SYNE2: variants seen among roughly 807,000 people sequenced by gnomAD.
The protein encoded by SYNE2 is spectrin repeat containing nuclear envelope protein 2.
In SYNE2, 431 loss-of-function variants were observed where a neutral mutation model predicts 856.3. That is an observed-to-expected ratio of 0.50 (90% CI 0.47 to 0.55). The LOEUF (loss-of-function observed/expected upper bound fraction) is 0.55, where lower values mean the gene tolerates loss of function less well. Among genes scored for constraint, SYNE2 ranks in the 20% least tolerant of loss-of-function variants. The pLI, the probability that SYNE2 is intolerant of heterozygous loss-of-function variation, is 0.00. For synonymous variants in SYNE2, 2,923 were observed against 2,872.3 expected, an observed-to-expected ratio of 1.02 and a Z score of -0.56; for missense variants, 8,129 against 8,023.2, an observed-to-expected ratio of 1.01 and a Z score of -0.50.
At chr14:63,777,700 G>A (rs374762065) in intron 1 of SYNE2, among the ~76,000 whole-genome samples, 17 of 152,118 alleles carry the variant, frequency 1.1e-4, no homozygotes, top group South Asian at 4.1e-4. Flanking sequence ...ACAGGGTCTC[G>A]CTCTGTCACC....
intron 87 of SYNE2, among the ~76,000 whole-genome samples, chr14:64,160,994 C>T (rs993500142): frequency 6.6e-6 from 1 of 152,122 alleles, no homozygotes; most frequent in Non-Finnish European, 1.5e-5. Context: ...TGTACAGCCA[C>T]TTAAAATGAG....
At position 64,049,782 on chromosome 14, in the gene SYNE2, A is replaced by G. The variant is rs774431675; in HGVS notation, c.7549A>G (p.Ser2517Gly). The G allele has an allele frequency of 6.2e-7, 1 of 1,614,186 alleles. No homozygotes were observed. Among genetic ancestry groups the G allele is most frequent in the East Asian group, 2.2e-5 (1 of 44,874 alleles). ...ALITLKKNKE[S>G]QYCVLRDFQE... ...TATTACTTTGAAGAAAAACAAAGAA[A>G]GCCAATATTGTGTCCTCAGAGATTT... Residue 2517 changes from serine to glycine, a missense_variant, in exon 47 of 116, where the codon AGC (serine) becomes GGC (glycine). Physicochemically the swap from Ser to Gly is moderately conservative, Grantham distance 56. Coordinates refer to ENST00000555002, the MANE Select transcript of SYNE2 (RefSeq NM_182914.3).
At chr14:64,016,970 T>A (rs527311187) in intron 33 of SYNE2, among the ~76,000 whole-genome samples, 15 of 152,114 alleles carry the variant, frequency 9.9e-5, no homozygotes, top group Non-Finnish European at 1.9e-4. Context: ...TAAGAACTCA[T>A]CTGCATTATA....
chr14:64,159,418 A>G lies in SYNE2; in HGVS notation c.16070A>G (p.Glu5357Gly). ...LCPSVAEIIE[E>G]KCQNTHKRWT... ...CCCTCTGTTGCTGAAATAATCGAAGAGAAATGCCAAAATACTCATAAAAGG... is the reference window on the plus strand; with the variant it reads ...CCCTCTGTTGCTGAAATAATCGAAGGGAAATGCCAAAATACTCATAAAAGG... Residue 5357 changes from glutamate to glycine, a missense_variant, in exon 87 of 116, where the codon GAG becomes GGG. This residue lies in a region of SYNE2 where 5,410 missense variants were observed against 5,284.8 expected (regional missense o/e 1.02). Coordinates refer to ENST00000555002, the MANE Select transcript of SYNE2 (RefSeq NM_182914.3). 6.2e-7 allele frequency: 1 copy of G among 1,613,926 alleles called. No homozygotes were observed. Among genetic ancestry groups the G allele is most frequent in the South Asian group, 1.1e-5 (1 of 91,084 alleles).
chr14:64,208,970 C>G (rs770824048), intron 101 of SYNE2, 25 bp downstream of exon 101: 8 of 1,610,914 alleles, frequency 5.0e-6, no homozygotes, highest in Non-Finnish European at 6.8e-6. Flanking sequence ...CCCCCAAATG[C>G]CTTCAGCGTG....
chr14:64,122,633 C>G, intron 70 of SYNE2: 1 of 654,740 alleles, frequency 1.5e-6, no homozygotes, highest in Non-Finnish European at 2.7e-6. Context: ...CTCATCAGAG[C>G]TGTTATTTAT....
chr14:63,878,179 A>C lies in SYNE2; in HGVS notation c.-52+25036A>C, dbSNP rs1378104901. Among the ~76,000 whole-genome samples, 3 of 152,024 alleles carry C rather than the reference A, an allele frequency of 2.0e-5. No homozygotes were observed. The East Asian group carries it at 5.8e-4, about 30-fold the overall frequency. On this transcript the variant is annotated intron_variant, in intron 1 of 115. Coordinates refer to ENST00000555002, the MANE Select transcript of SYNE2 (RefSeq NM_182914.3). The stretch of plus-strand genomic sequence containing the variant: ...TAGGATTACAGGCTTGAGCCATCAC[A>C]CCCAGCCTAACATGGTGTTCTTTGG...
chr14:64,121,138 C>CT, intron 68 of SYNE2, 77 bp downstream of exon 68: 2 of 1,594,454 alleles, frequency 1.3e-6, no homozygotes, highest in Middle Eastern at 1.7e-4. Context: ...ACCTACAGTC[C>CT]TAGCTACTTG....
intron 83 of SYNE2, among the ~76,000 whole-genome samples, chr14:64,145,015 C>T (rs1042640232): frequency 1.3e-5 from 2 of 151,032 alleles, no homozygotes; most frequent in Non-Finnish European, 1.5e-5. Flanking sequence ...CAACTTCCAC[C>T]TCCCAGATTC....
At chr14:63,841,608 C>T (rs1462535816) in intron 1 of SYNE2, among the ~76,000 whole-genome samples, 1 of 152,176 alleles carries the variant, frequency 6.6e-6, no homozygotes, top group Non-Finnish European at 1.5e-5. Flanking sequence ...TTTGCACTCT[C>T]AGCAACAACT....
chr14:64,216,030 T>C, intron 107 of SYNE2: 2 of 1,460,914 alleles, frequency 1.4e-6, no homozygotes, highest in Non-Finnish European at 1.8e-6. Flanking sequence ...CAAATCATGT[T>C]GGTCGTGCTC....
intron 32 of SYNE2, among the ~76,000 whole-genome samples, chr14:64,010,848 A>G (rs928361870): frequency 6.6e-6 from 1 of 152,156 alleles, no homozygotes; most frequent in Admixed American, 6.5e-5. Context: ...CGTGTTGGCC[A>G]GGCTGGTCTC....
chr14:63,769,527 G>A (rs1254468273), intron 1 of SYNE2, among the ~76,000 whole-genome samples: 1 of 152,028 alleles, frequency 6.6e-6, no homozygotes, highest in African/African-American at 2.4e-5. Context: ...AATTAGCTGG[G>A]CGTGGTGGCG....
rs2096758814 is a variant in SYNE2 at position 64,002,009 on chromosome 14, C to T, written c.3714C>T (p.Asp1238=). 1 of 1,613,796 alleles carries T rather than the reference C, an allele frequency of 6.2e-7. No homozygotes were observed. Among genetic ancestry groups the T allele is most frequent in the Admixed American group, 1.7e-5 (1 of 60,004 alleles). The change falls in exon 29 of 116, where the codon GAC becomes GAT. Residue 1238 remains aspartate, a synonymous_variant. Coordinates refer to ENST00000555002, the MANE Select transcript of SYNE2 (RefSeq NM_182914.3). The part of the protein sequence containing the change: ...EKASLLLCGS[D]LPLHKMAIQG... ...CATCACTTCTTCTCTGTGGCTCGGA[C>T]CTGCCTCTCCATAAAATGGCCATCC...
intron 1 of SYNE2, among the ~76,000 whole-genome samples, chr14:63,896,857 G>A (rs2095260927): frequency 1.3e-5 from 2 of 152,158 alleles, no homozygotes; most frequent in South Asian, 2.1e-4. Context: ...GCTGAAGTCT[G>A]TCCTCCCAGT....
At chr14:64,061,971 A>G (rs1176466769) in intron 49 of SYNE2, among the ~76,000 whole-genome samples, 3 of 152,198 alleles carry the variant, frequency 2.0e-5, no homozygotes, top group Admixed American at 2.0e-4. Context: ...TTCCTTGTCA[A>G]TTTATTCATG....
chr14:64,081,629 T>C (rs1487233785), intron 57 of SYNE2, 49 bp downstream of exon 57: 1 of 1,604,712 alleles, frequency 6.2e-7, no homozygotes, highest in African/African-American at 1.3e-5. Flanking sequence ...TACATAAAGA[T>C]TCGTGGCTTA....
chr14:63,895,089 A>T (rs1468475663), intron 1 of SYNE2, among the ~76,000 whole-genome samples: 1 of 149,690 alleles, frequency 6.7e-6, no homozygotes, highest in Non-Finnish European at 1.5e-5. Flanking sequence ...TTGAAAGCAC[A>T]TAAATTTCCA....
intron 99 of SYNE2, among the ~76,000 whole-genome samples, chr14:64,192,342 T>C (rs2098522496): frequency 6.6e-6 from 1 of 152,212 alleles, no homozygotes; most frequent in Non-Finnish European, 1.5e-5. Context: ...AACCCATTCA[T>C]GGATCATACA....
Sources: gnomAD v4.1 joint callset for allele counts (sites outside exome capture counted in the v4.1 genomes callset) on GRCh38, gnomAD v4.1.1 for gene constraint, gnomAD v4.1.1 regional missense constraint, MANE v1.5 for transcripts, NCBI Gene and HGNC (gene_info 2026-07-23, HGNC 2026-07-21) for gene names.